The following ADGB variants were observed in gnomAD, a reference collection of about 807,000 sequenced individuals.
ADGB encodes calpain-7-like protein.
ADGB carries 172 observed loss-of-function variants against 210.5 expected under a neutral mutation model. That is an observed-to-expected ratio of 0.82 (90% CI 0.72 to 0.93). The LOEUF is 0.93. Ranked by LOEUF, ADGB falls within the 40% of genes least tolerant of loss-of-function variation. The pLI is 0.00. For missense variants in ADGB, 2,025 were observed against 1,964.8 expected (o/e 1.03, Z -0.58); for synonymous variants, 658 against 662.7 (o/e 0.99, Z 0.11).
intron 29 of ADGB, among the ~76,000 whole-genome samples, chr6:146,774,548 A>G (rs948248057): frequency 1.3e-5 from 2 of 152,164 alleles, no homozygotes; most frequent in Non-Finnish European, 2.9e-5. Context: ...AAGTAGGAAA[A>G]TTTTCTGTTT....
chr6:146,698,628 T>G (rs1776443451), intron 12 of ADGB, among the ~76,000 whole-genome samples: 1 of 152,210 alleles, frequency 6.6e-6, no homozygotes, highest in African/African-American at 2.4e-5. Context: ...CAGTTGGCAA[T>G]GTCAAGCCAT....
In ADGB at chr6:146,805,046, G is replaced by A. The variant is rs373728227; in HGVS notation, c.4818+3035G>A. On this transcript the variant is annotated intron_variant, in intron 35 of 35. Coordinates refer to ENST00000397944, the MANE Select transcript of ADGB (RefSeq NM_024694.4). ...CAACTCTGGCTAAAAACAGTAAAACGGTATTTCTCATTCTAGCTATGTGTC... is the reference window on the plus strand; with the variant it reads ...CAACTCTGGCTAAAAACAGTAAAACAGTATTTCTCATTCTAGCTATGTGTC... Among the ~76,000 whole-genome samples the A allele has an allele frequency of 7.9e-4, 121 of 152,240 alleles. 1 individual carries two copies. In the Middle Eastern group the frequency reaches 0.02, roughly 26 times the overall value.
chr6:146,664,784 A>G (rs147007719), intron 6 of ADGB, among the ~76,000 whole-genome samples: 311 of 152,202 alleles, frequency 2.0e-3, no homozygotes, highest in African/African-American at 7.2e-3. Flanking sequence ...ATGTCAATGT[A>G]CGCTTCATGA....
In ADGB at chr6:146,803,818, C is replaced by T. The variant is rs544303501; in HGVS notation, c.4818+1807C>T. On this transcript the variant is annotated intron_variant, in intron 35 of 35. Coordinates refer to ENST00000397944, the MANE Select transcript of ADGB (RefSeq NM_024694.4). ...GCGTCCCTCGGCTTCTGGGCCGAGT[C>T]CCACTCAGGGCCATTCAAACGCGGC... 1.5e-5 allele frequency: 8 copies of T among 519,848 alleles called. No individual in the cohort carries two copies. In the South Asian group the frequency reaches 1.8e-4, roughly 12 times the overall value. The allele number at this position is 519,848 out of a possible 1,614,324, so 32.2% of individuals were successfully genotyped here.
chr6:146,792,157 T>C (rs1028606024), intron 33 of ADGB, among the ~76,000 whole-genome samples: 4 of 152,132 alleles, frequency 2.6e-5, no homozygotes, highest in Admixed American at 6.6e-5. Context: ...TGAAGTCTGG[T>C]GATGCCTCCC....
intron 28 of ADGB, among the ~76,000 whole-genome samples, chr6:146,766,461 A>AAATTG (rs1777576223): frequency 6.6e-6 from 1 of 151,582 alleles, no homozygotes; most frequent in African/African-American, 2.4e-5. Flanking sequence ...AAATTAAATT[A>AAATTG]AATTAAATTA....
chr6:146,643,018 T>G (rs1476353837), intron 2 of ADGB, among the ~76,000 whole-genome samples: 1 of 151,898 alleles, frequency 6.6e-6, no homozygotes, highest in Non-Finnish European at 1.5e-5. Flanking sequence ...ATGAACATCT[T>G]AGATTTTGGC....
intron 12 of ADGB, among the ~76,000 whole-genome samples, chr6:146,699,607 T>A (rs1056507324): frequency 6.6e-6 from 1 of 152,062 alleles, no homozygotes; most frequent in Admixed American, 6.6e-5. Context: ...CCAGAAATAA[T>A]GTTTTACTGG....
intron 32 of ADGB, among the ~76,000 whole-genome samples, 154 bp from the exon 33 acceptor site, chr6:146,788,235 A>G (rs1344545010): frequency 5.3e-5 from 8 of 152,276 alleles, no homozygotes; most frequent in Admixed American, 1.3e-4. Flanking sequence ...TTCTAGGGTG[A>G]CAGTCATTAC....
chr6:146,799,670 A>G (rs201840719), intron 33 of ADGB, among the ~76,000 whole-genome samples: 1 of 151,768 alleles, frequency 6.6e-6, no homozygotes, highest in East Asian at 1.9e-4. Context: ...GATTTTGAAT[A>G]TATGTACCAC....
intron 13 of ADGB, among the ~76,000 whole-genome samples, chr6:146,702,125 T>C (rs548673797): frequency 6.6e-6 from 1 of 151,876 alleles, no homozygotes; most frequent in East Asian, 1.9e-4. Context: ...AACTATGAGC[T>C]TCATTGGATA....
At chr6:146,637,233 A>C (rs1775438286) in intron 2 of ADGB, among the ~76,000 whole-genome samples, 2 of 151,934 alleles carry the variant, frequency 1.3e-5, no homozygotes, top group Non-Finnish European at 2.9e-5. Flanking sequence ...CAAGGCATGA[A>C]GATTAGGGAT....
chr6:146,724,302 G>T lies in ADGB; in HGVS notation c.2212G>T (p.Ala738Ser). ...GAAGATTCACACATATGCTACCAAGGCTACAGTGGTTCGTCTGCCTGTTGG... is the reference window on the plus strand; with the variant it reads ...GAAGATTCACACATATGCTACCAAGTCTACAGTGGTTCGTCTGCCTGTTGG... ...VLKIHTYATK[A>S]TVVRLPVGRH... Residue 738 changes from alanine (A) to serine (S), a missense_variant, in exon 18 of 36, where the codon GCT becomes TCT. Physicochemically the swap from Ala to Ser is moderately conservative, Grantham distance 99 (BLOSUM62 1). Coordinates refer to ENST00000397944, the MANE Select transcript of ADGB (RefSeq NM_024694.4). The T allele has an allele frequency of 6.5e-7, 1 of 1,544,070 alleles. No individual in the cohort carries two copies. The highest frequency in any genetic ancestry group is 8.7e-7 in the Non-Finnish European group (1 of 1,144,568).
At chr6:146,803,831 A>G (rs1778170159) in intron 35 of ADGB, 1 of 406,676 alleles carries the variant, frequency 2.5e-6, no homozygotes, top group Non-Finnish European at 4.4e-6. Context: ...ACTCAGGGCC[A>G]TTCAAACGCG....
At chr6:146,702,101 G>A (rs945239531) in intron 13 of ADGB, among the ~76,000 whole-genome samples, 3 of 151,796 alleles carry the variant, frequency 2.0e-5, no homozygotes, top group Non-Finnish European at 4.4e-5. Context: ...CACATTAATG[G>A]ATTTGTGAAA....
At chr6:146,667,649 A>C (rs777489980) in intron 7 of ADGB, among the ~76,000 whole-genome samples, 1 of 152,104 alleles carries the variant, frequency 6.6e-6, no homozygotes, top group Admixed American at 6.6e-5. Flanking sequence ...GTAATTATTT[A>C]TTATGGTAAA....
chr6:146,666,872 C>T lies in ADGB; in HGVS notation c.809C>T (p.Thr270Ile), dbSNP rs1425322796. Residue 270 changes from threonine to isoleucine, a missense_variant, in exon 7 of 36, where the codon ACA becomes ATA. Physicochemically the swap from Thr to Ile is moderately conservative, Grantham distance 89. Transcript: ENST00000397944. ...LGEFTVIHAL[T>I]GWLPEVISLH... ...GAGTTCACGGTTATTCATGCGCTCACAGGATGGTTACCAGAAGTCATTTCT... is the reference window on the plus strand; with the variant it reads ...GAGTTCACGGTTATTCATGCGCTCATAGGATGGTTACCAGAAGTCATTTCT... The T allele has an allele frequency of 2.6e-6, 4 of 1,546,680 alleles. No homozygotes were observed. The South Asian group carries it at 4.8e-5, about 19-fold the overall frequency.
At position 146,754,371 on chromosome 6, in the gene ADGB, C is replaced by G. The variant is rs1352883468; in HGVS notation, c.3550+1657C>G. Reference sequence around the variant, plus strand: ...CGAATGGCTCTTTTAGATTTATAATCTACTTTGTCAATATTTATATTTATC... The same window carrying G: ...CGAATGGCTCTTTTAGATTTATAATGTACTTTGTCAATATTTATATTTATC... On this transcript the variant is annotated intron_variant, in intron 27 of 35. Coordinates refer to ENST00000397944, the MANE Select transcript of ADGB (RefSeq NM_024694.4). 4.0e-5 allele frequency among the ~76,000 whole-genome samples: 6 copies of G among 151,502 alleles called. No individual in the cohort carries two copies. The East Asian group carries it at 5.8e-4, about 15-fold the overall frequency.
intron 27 of ADGB, among the ~76,000 whole-genome samples, chr6:146,760,562 G>T (rs962588475): frequency 6.6e-5 from 10 of 151,818 alleles, no homozygotes; most frequent in African/African-American, 2.4e-4. Flanking sequence ...AAGCTGATAA[G>T]GACATGCTTG....
Sources: allele counts gnomAD v4.1 joint callset (sites outside exome capture counted in the v4.1 genomes callset), GRCh38; gene constraint gnomAD v4.1.1; transcripts MANE v1.5; gene names NCBI Gene and HGNC (gene_info 2026-07-23, HGNC 2026-07-21).